Variants in CPT1C observed in about 807,000 individuals in gnomAD.
CPT1C encodes palmitoyl thioesterase CPT1C.
A neutral mutation model predicts 97.3 loss-of-function variants in CPT1C; 61 were observed. That is an observed-to-expected ratio of 0.63 (90% CI 0.51 to 0.78). The LOEUF (loss-of-function observed/expected upper bound fraction) is 0.78. Ranked by LOEUF, CPT1C falls within the 30% of genes least tolerant of loss-of-function variation. CPT1C has a pLI of 0.00. For missense variants in CPT1C, 975 were observed against 1,065.5 expected, an observed-to-expected ratio of 0.92 and a Z score of 1.18; for synonymous variants, 469 against 447.2, an observed-to-expected ratio of 1.05 and a Z score of -0.61.
intron 18 of CPT1C, 53 bp from the exon 19 acceptor site, chr19:49,712,919 G>T (rs368263769): frequency 1.3e-6 from 2 of 1,585,522 alleles, no homozygotes; most frequent in African/African-American, 1.3e-5. Flanking sequence ...CCTGCATAGT[G>T]GGGGTGGAGG....
Position 49,707,713 on chromosome 19 carries a change from T to C in CPT1C, c.1449+90T>C, listed in dbSNP as rs1388898879. 9 of 852,396 alleles carry C rather than the reference T, an allele frequency of 1.1e-5. No homozygotes were observed. The East Asian group carries it at 2.5e-4, about 23-fold the overall frequency. 52.8% of individuals were successfully genotyped at this position (852,396 alleles called of 1,614,324 possible). A position where few individuals can be genotyped will look rare whatever the true frequency, so the allele number is the denominator to read the frequency against. The stretch of plus-strand genomic sequence containing the variant: ...AGCGCCTTAGTGTCAGAAGAAAAAC[T>C]GAGGCTTGGCCGGGCACGGTGGTTC... On this transcript the variant is annotated intron_variant, in intron 13 of 19. Coordinates refer to ENST00000598293, the MANE Select transcript of CPT1C (RefSeq NM_001199753.2).
In CPT1C at chr19:49,706,024, G is replaced by T. The variant is rs1415264906; in HGVS notation, c.1080G>T (p.Gln360His). ...TGCTTTCCCCGAGAGCCCTGGAGCA[G>T]CAGTTTCAGAGAATCCTGGATGATC... Reference protein sequence around the residue: ...NSLLSPRALEQQFQRILDDPS... With the variant: ...NSLLSPRALEHQFQRILDDPS... The change falls in exon 11 of 20, where the codon CAG (glutamine) becomes CAT (histidine). Residue 360 changes from glutamine (Q) to histidine (H), a missense_variant. By Grantham distance (24) the Gln-to-His change is conservative. This residue lies in a region of CPT1C where 596 missense variants were observed against 603.1 expected (regional missense o/e 0.99). Transcript: ENST00000598293. This position sits in a 1 kb window ranked among gnomAD's most constrained non-coding sequence, Gnocchi z 4.8. 2 of 1,614,012 alleles carry T rather than the reference G, an allele frequency of 1.2e-6. No homozygotes were observed. The highest frequency in any genetic ancestry group is 1.1e-5 in the South Asian group (1 of 91,066).
At position 49,701,403 on chromosome 19, in the gene CPT1C, G is replaced by C; in HGVS notation, c.540G>C (p.Gln180His). Residue 180 changes from glutamine (Q) to histidine (H), a missense_variant, in exon 6 of 20, where the codon CAG becomes CAC. Physicochemically the swap from Gln to His is conservative, Grantham distance 24. Transcript: ENST00000598293. ...SLPRQPVPSV[Q>H]DTVRKYLESV... ...CACGCCAGCCCGTGCCCTCTGTGCA[G>C]GACACCGTGCGCAAGGTGGGCCTGG... 3.1e-6 allele frequency: 5 copies of C among 1,612,330 alleles called. No homozygotes were observed. Among genetic ancestry groups the C allele is most frequent in the Non-Finnish European group, 4.2e-6 (5 of 1,179,158 alleles).
intron 4 of CPT1C, among the ~76,000 whole-genome samples, chr19:49,700,427 G>C (rs10416103): frequency 0.12 from 18,685 of 152,126 alleles, 1,410 homozygotes; most frequent in Non-Finnish European, 0.17. Context: ...GAAGGAAAAA[G>C]TGTCCCCTCA....
intron 3 of CPT1C, among the ~76,000 whole-genome samples, chr19:49,694,776 G>A (rs927978484): frequency 2.6e-5 from 4 of 152,032 alleles, no homozygotes; most frequent in Non-Finnish European, 4.4e-5. Flanking sequence ...CTTGAACTCC[G>A]AATCCCTCTC....
At chr19:49,703,459 C>G (rs1315027500) in intron 7 of CPT1C, among the ~76,000 whole-genome samples, 1 of 151,600 alleles carries the variant, frequency 6.6e-6, no homozygotes, top group Non-Finnish European at 1.5e-5. Flanking sequence ...CTCGGCCTCC[C>G]AAAGTGTTGG....
rs982277105 is a variant in CPT1C, at chr19:49,706,064, C to T, written c.1120C>T (p.Pro374Ser). The T allele has an allele frequency of 7.4e-6, 12 of 1,613,710 alleles. No individual in the cohort carries two copies. The African/African-American group carries it at 1.2e-4, about 16-fold the overall frequency. Residue 374 changes from proline (P) to serine (S), a missense_variant, in exon 11 of 20, where the codon CCC (proline) becomes TCC (serine). Physicochemically the swap from Pro to Ser is moderately conservative, Grantham distance 74. Around this residue, in one of 3 missense-constraint regions of CPT1C, gnomAD observed 596 missense variants for 603.1 expected, o/e 0.99. Transcript: ENST00000598293. This position sits in a 1 kb window ranked among gnomAD's most constrained non-coding sequence, Gnocchi z 4.8. ...CCTGGATGATCCCTCACCGGCCTGC[C>T]CCCACGAGGAACATCTGGCAGCTCT... ...RILDDPSPAC[P>S]HEEHLAALTA... is the part of the protein sequence containing the mutation.
At chr19:49,692,109 T>G in intron 2 of CPT1C, 130 bp from the exon 3 acceptor site, 2 of 898,644 alleles carry the variant, frequency 2.2e-6, no homozygotes, top group Non-Finnish European at 3.3e-6. Context: ...CCTGGACTCC[T>G]GGATCTGAGA....
chr19:49,697,478 C>G lies in CPT1C; in HGVS notation c.281+13C>G, dbSNP rs752420995. On this transcript the variant is annotated intron_variant, in intron 4 of 19. Transcript: ENST00000598293. ...TGCTGCCTGACTGGTGAGGTCCCCC[C>G]ACTCCAGCCCAGTAACCCCCAATCA... 1 of 1,611,732 alleles carries G rather than the reference C, an allele frequency of 6.2e-7. No individual in the cohort carries two copies. Among genetic ancestry groups the G allele is most frequent in the African/African-American group, 1.3e-5 (1 of 74,872 alleles).
At chr19:49,703,095 A>ACACT (rs1241561508) in intron 7 of CPT1C, among the ~76,000 whole-genome samples, 61 of 150,682 alleles carry the variant, frequency 4.0e-4, no homozygotes, top group South Asian at 1.0e-3. Context: ...ACACACACAC[A>ACACT]CACACTCATT....
intron 14 of CPT1C, among the ~76,000 whole-genome samples, chr19:49,709,444 T>C (rs1216675791): frequency 2.6e-5 from 4 of 151,212 alleles, no homozygotes; most frequent in Admixed American, 6.6e-5. Flanking sequence ...CCCTTCCCCG[T>C]TCTATTCCCA....
rs757478979 is a variant in CPT1C at position 49,710,572 on chromosome 19, G to A, written c.1731+88G>A. The A allele has an allele frequency of 3.6e-4, 565 of 1,575,012 alleles. 3 individuals carry two copies. The highest frequency in any genetic ancestry group is 4.3e-4 in the Non-Finnish European group (497 of 1,147,380). ...TGCCCCTCCACGGTTCCTTGTGGTCGCTGCCATTGTGGGTCGGCCATCTTG... is the reference window on the plus strand; with the variant it reads ...TGCCCCTCCACGGTTCCTTGTGGTCACTGCCATTGTGGGTCGGCCATCTTG... On this transcript the variant is annotated intron_variant, in intron 15 of 19. Coordinates refer to ENST00000598293, the MANE Select transcript of CPT1C (RefSeq NM_001199753.2).
At chr19:49,702,800 A>G (rs576074737) in intron 7 of CPT1C, among the ~76,000 whole-genome samples, 23 of 151,654 alleles carry the variant, frequency 1.5e-4, no homozygotes, top group African/African-American at 5.3e-4. Context: ...TGGGGGAAAG[A>G]CTGGAGGGCG....
chr19:49,700,247 A>AAAAAC, intron 4 of CPT1C, among the ~76,000 whole-genome samples: 2 of 126,232 alleles, frequency 1.6e-5, no homozygotes, highest in South Asian at 2.7e-4. Flanking sequence ...ACTCCATCCC[A>AAAAAC]AAAACAAAAC....
chr19:49,708,015 AAAAAAAAAAAAAG>A (rs2083608600), intron 13 of CPT1C, among the ~76,000 whole-genome samples: 1 of 149,012 alleles, frequency 6.7e-6, no homozygotes, highest in Admixed American at 6.6e-5. Flanking sequence ...AAAAAAAAAA[AAAAAAAAAAAAAG>A]AAAAGAAAAA....
At chr19:49,709,464 C>T (rs2083712661) in intron 14 of CPT1C, among the ~76,000 whole-genome samples, 1 of 151,674 alleles carries the variant, frequency 6.6e-6, no homozygotes, top group Non-Finnish European at 1.5e-5. Context: ...AAACCACTCT[C>T]AGTCCCTCCT....
At chr19:49,700,150 G>A (rs2082919088) in intron 4 of CPT1C, among the ~76,000 whole-genome samples, 1 of 151,546 alleles carries the variant, frequency 6.6e-6, no homozygotes, top group African/African-American at 2.4e-5. Flanking sequence ...CGGAGGCTGA[G>A]GCAGGAGAAT....
intron 7 of CPT1C, among the ~76,000 whole-genome samples, chr19:49,701,906 A>T (rs2083099355): frequency 8.7e-6 from 1 of 115,258 alleles, no homozygotes; most frequent in Non-Finnish European, 1.7e-5. Flanking sequence ...ATAAATATAT[A>T]TATTTATATT....
rs1656264236 is a variant in CPT1C at position 49,712,983 on chromosome 19, T to C, written c.2145T>C (p.His715=). 6.2e-7 allele frequency: 1 copy of C among 1,613,930 alleles called. No homozygotes were observed. Among genetic ancestry groups the C allele is most frequent in the Non-Finnish European group, 8.5e-7 (1 of 1,179,872 alleles). ...SGGGFGPADD[H]GYGVSYIFMG... is the part of the protein sequence containing the mutation. ...CTTTCCGTCTCCAGGCTGATGACCA[T>C]GGTTATGGTGTTTCTTATATCTTCA... The change falls in exon 19 of 20, where the codon CAT becomes CAC. Residue 715 remains histidine (H), a synonymous_variant. Coordinates refer to ENST00000598293, the MANE Select transcript of CPT1C (RefSeq NM_001199753.2).
Sources: allele counts gnomAD v4.1 joint callset (sites outside exome capture counted in the v4.1 genomes callset), GRCh38; gene constraint gnomAD v4.1.1; regional missense constraint gnomAD v4.1.1; non-coding constraint Gnocchi (gnomAD v3.1); transcripts MANE v1.5; gene names NCBI Gene and HGNC (gene_info 2026-07-23, HGNC 2026-07-21).